Variants in ACTR3C observed in about 807,000 individuals in gnomAD.
The protein encoded by ACTR3C is actin-related protein 3C.
In ACTR3C, 18 loss-of-function variants were observed where a neutral mutation model predicts 26.3. The ratio of observed to expected loss-of-function variants is 0.68; its 90% CI spans 0.47 to 1.01. The LOEUF (loss-of-function observed/expected upper bound fraction) is 1.01. Ranked by LOEUF, ACTR3C falls within the 50% of genes least tolerant of loss-of-function variation. The pLI is 0.00. For missense variants in ACTR3C, 184 were observed against 250.7 expected (o/e 0.73, Z 1.80); for synonymous variants, 55 against 94.5 (o/e 0.58, Z 2.42).
chr7:150,100,190 G>T, the ACTR3C span, among the ~76,000 whole-genome samples: 2 of 151,494 alleles, frequency 1.3e-5, no homozygotes, highest in Non-Finnish European at 2.9e-5. Context: ...GCCTACTTGA[G>T]CCCTCCATAA....
chr7:149,989,950 C>T, the ACTR3C span, among the ~76,000 whole-genome samples: 1 of 152,120 alleles, frequency 6.6e-6, no homozygotes, highest in Non-Finnish European at 1.5e-5. Context: ...TTGTTATGGT[C>T]CACATTCACT....
At chr7:150,053,860 G>A in the ACTR3C span, among the ~76,000 whole-genome samples, 4 of 152,320 alleles carry the variant, frequency 2.6e-5, no homozygotes, top group East Asian at 7.7e-4. Flanking sequence ...TCTAAAATGT[G>A]CATCTGGACT....
chr7:150,217,985 A>C, the ACTR3C span, among the ~76,000 whole-genome samples: 1 of 152,146 alleles, frequency 6.6e-6, no homozygotes, highest in African/African-American at 2.4e-5. Flanking sequence ...TAAATGAATG[A>C]GACCAAACAA....
At chr7:150,117,482 C>T in the ACTR3C span, among the ~76,000 whole-genome samples, 63 of 152,332 alleles carry the variant, frequency 4.1e-4, no homozygotes, top group South Asian at 6.2e-4. Context: ...TCAGACTGGG[C>T]GGAGCCCATG....
chr7:150,170,279 G>A, the ACTR3C span, among the ~76,000 whole-genome samples: 1 of 150,722 alleles, frequency 6.6e-6, no homozygotes, highest in Non-Finnish European at 1.5e-5. Flanking sequence ...GAAAAAGAAA[G>A]AGGCAAAACA....
intron 6 of ACTR3C, among the ~76,000 whole-genome samples, chr7:150,260,186 G>A (rs1431610236): frequency 2.0e-5 from 3 of 152,162 alleles, no homozygotes; most frequent in Non-Finnish European, 4.4e-5. Context: ...TTATTATCTG[G>A]CCCTGTACAG....
downstream of ACTR3C, chr7:150,245,386 T>C (rs981399322): frequency 2.6e-5 from 4 of 152,206 alleles, no homozygotes; most frequent in Middle Eastern, 6.8e-3. Flanking sequence ...CTCCTGTGGG[T>C]CACATGGTGA....
chr7:150,230,080 C>A, the ACTR3C span, among the ~76,000 whole-genome samples: 1 of 150,716 alleles, frequency 6.6e-6, no homozygotes, highest in Non-Finnish European at 1.5e-5. Flanking sequence ...CAAAAATAAG[C>A]CAGGAGTGAT....
At chr7:150,293,714 T>A (rs1836485332) in intron 2 of ACTR3C, among the ~76,000 whole-genome samples, 1 of 152,224 alleles carries the variant, frequency 6.6e-6, no homozygotes. Context: ...GGTAGGCAGA[T>A]CACTTGAACC....
the ACTR3C span, among the ~76,000 whole-genome samples, chr7:149,909,213 A>G: frequency 1.3e-5 from 2 of 151,392 alleles, no homozygotes; most frequent in African/African-American, 4.9e-5. Flanking sequence ...TTAAACAAAA[A>G]CAGAATACTA....
the ACTR3C span, among the ~76,000 whole-genome samples, chr7:149,912,359 C>A: frequency 6.6e-6 from 1 of 151,962 alleles, no homozygotes; most frequent in East Asian, 1.9e-4. Context: ...CTGGAATGTT[C>A]AGATTCTTAA....
chr7:150,311,912 C>G (rs1796360820), intron 1 of ACTR3C, among the ~76,000 whole-genome samples: 1 of 152,206 alleles, frequency 6.6e-6, no homozygotes, highest in Non-Finnish European at 1.5e-5. Context: ...CTTTCCACAG[C>G]CTCCATAACC....
the ACTR3C span, among the ~76,000 whole-genome samples, chr7:150,162,835 C>A: frequency 2.6e-5 from 4 of 151,998 alleles, no homozygotes; most frequent in Non-Finnish European, 5.9e-5. Context: ...GACGGTACCA[C>A]GAGTAGAGCA....
the ACTR3C span, among the ~76,000 whole-genome samples, chr7:150,077,268 C>A: frequency 3.9e-5 from 6 of 152,170 alleles, no homozygotes; most frequent in African/African-American, 1.4e-4. Context: ...AGCAACATGC[C>A]CCTTATTATT....
the ACTR3C span, among the ~76,000 whole-genome samples, chr7:150,107,689 C>T: frequency 2.6e-5 from 4 of 151,368 alleles, no homozygotes; most frequent in African/African-American, 9.7e-5. Flanking sequence ...ACCAAGTATA[C>T]CGGGGAAGGA....
chr7:150,095,334 C>T, the ACTR3C span, among the ~76,000 whole-genome samples: 6 of 150,364 alleles, frequency 4.0e-5, no homozygotes, highest in African/African-American at 7.5e-5. Context: ...GTTCAGCCCC[C>T]GGCCCCTGAG....
intron 7 of ACTR3C, chr7:150,247,874 G>A (rs1454478697): frequency 6.6e-6 from 1 of 152,110 alleles, no homozygotes; most frequent in Non-Finnish European, 1.5e-5. Flanking sequence ...TGAAGTGCCT[G>A]CTCCCACTTC....
the ACTR3C span, among the ~76,000 whole-genome samples, chr7:150,008,640 C>T: frequency 6.6e-6 from 1 of 150,766 alleles, no homozygotes. Flanking sequence ...TCTACAGACT[C>T]CATAGCACTA....
chr7:150,035,009 T>C, the ACTR3C span, among the ~76,000 whole-genome samples: 19 of 132,062 alleles, frequency 1.4e-4, no homozygotes, highest in South Asian at 5.1e-4. Flanking sequence ...ATGGGGGTCC[T>C]CAGAGCCAGG....
Sources: gnomAD v4.1 joint callset for allele counts (sites outside exome capture counted in the v4.1 genomes callset) on GRCh38, gnomAD v4.1.1 for gene constraint, MANE v1.5 for transcripts, NCBI Gene and HGNC (gene_info 2026-07-23, HGNC 2026-07-21) for gene names.